NRG4: variants seen among roughly 807,000 people sequenced by gnomAD.
The protein encoded by NRG4 is neuregulin 4.
A neutral mutation model predicts 15.0 loss-of-function variants in NRG4; 10 were observed. The observed-to-expected ratio is 0.67, with a 90% CI of 0.41 to 1.13. The LOEUF (loss-of-function observed/expected upper bound fraction) is 1.13, where lower values mean the gene tolerates loss of function less well. NRG4 is among the 50% of genes most tolerant of loss of function. The pLI is 0.00. For synonymous variants in NRG4, 41 were observed against 50.1 expected (o/e 0.82, Z 0.77); for missense variants, 139 against 140.2 (o/e 0.99, Z 0.04).
chr15:75,983,625 TC>T (rs1165891648), intron 3 of NRG4, among the ~76,000 whole-genome samples: 2 of 151,938 alleles, frequency 1.3e-5, no homozygotes, highest in African/African-American at 4.8e-5. Context: ...AATAAAAAAC[TC>T]CTACAAATAG....
At chr15:76,058,748 A>G (rs2036217531) in intron 1 of NRG4, among the ~76,000 whole-genome samples, 1 of 152,248 alleles carries the variant, frequency 6.6e-6, no homozygotes, top group South Asian at 2.1e-4. Context: ...ATTTTAAGAT[A>G]AAAATCGCAA....
intron 4 of NRG4, among the ~76,000 whole-genome samples, chr15:75,959,661 A>T (rs2032420661): frequency 6.6e-6 from 1 of 151,152 alleles, no homozygotes; most frequent in African/African-American, 2.4e-5. Context: ...TGCCCTGCTA[A>T]TTTTTTTTAT....
rs554061493 is a variant in NRG4, at chr15:76,011,193, A to C, written c.10+28T>G. ...TCTATTGCTATGGACACATATTGAC[A>C]AAAACATATAAATATATAAGAAATT... On this transcript the variant is annotated intron_variant, in intron 2 of 5. Transcript: ENST00000394907. 5 of 1,397,072 alleles carry C rather than the reference A, an allele frequency of 3.6e-6. No individual in the cohort carries two copies. In the South Asian group the frequency reaches 5.5e-5, roughly 15 times the overall value. 86.5% of individuals were successfully genotyped at this position (1,397,072 alleles called of 1,614,324 possible).
At position 75,977,440 on chromosome 15, in the gene NRG4, CTGG is replaced by C. The variant is rs2033418409; in HGVS notation, c.105-15469_105-15467del. Among the ~76,000 whole-genome samples, 1 of 152,204 alleles carries C rather than the reference CTGG, an allele frequency of 6.6e-6. No individual in the cohort carries two copies. The highest frequency in any genetic ancestry group is 6.5e-5 in the Admixed American group (1 of 15,288). On this transcript the variant is annotated intron_variant, in intron 3 of 5. Transcript: ENST00000394907. This position sits in a 1 kb window ranked among gnomAD's most constrained non-coding sequence, Gnocchi z 4.9. ...AGTTTTGTGCTTGAAATCCAGGGCC[CTGG>C]TGGTGTAGGCACCCGAGGGAATCTC...
rs73449096 is a variant in NRG4 at position 76,040,065 on chromosome 15, A to G, written c.-104-4074T>C. The stretch of plus-strand genomic sequence containing the variant: ...CCGCCAAATAAAAAAAAAGAGAGAG[A>G]GAGAGAGAAGGCAAGCAGATTTAAC... On this transcript the variant is annotated intron_variant, in intron 4 of 8. Transcript: ENST00000563910. Among the ~76,000 whole-genome samples, 697 of 152,162 alleles carry G rather than the reference A, an allele frequency of 4.6e-3. 4 individuals are homozygous for G. The highest frequency in any genetic ancestry group is 0.016 in the African/African-American group (654 of 41,512).
At chr15:75,952,712 A>G (rs1370477045) in intron 5 of NRG4, among the ~76,000 whole-genome samples, 1 of 151,788 alleles carries the variant, frequency 6.6e-6, no homozygotes, top group African/African-American at 2.4e-5. Flanking sequence ...GTATGCCACC[A>G]CACTTGGTTT....
At chr15:76,035,010 T>A (rs138789451) in intron 5 of NRG4, among the ~76,000 whole-genome samples, 5 of 152,368 alleles carry the variant, frequency 3.3e-5, no homozygotes, top group African/African-American at 1.2e-4. Context: ...CAGCCTGCCA[T>A]TGAACGGCAG....
At chr15:76,031,903 G>C (rs2035482399) in intron 5 of NRG4, among the ~76,000 whole-genome samples, 1 of 152,068 alleles carries the variant, frequency 6.6e-6, no homozygotes, top group Non-Finnish European at 1.5e-5. Flanking sequence ...GAAGAATAAA[G>C]CTGTAATTAT....
chr15:76,039,873 C>A (rs749299838), intron 4 of NRG4, among the ~76,000 whole-genome samples: 1 of 152,084 alleles, frequency 6.6e-6, no homozygotes, highest in Non-Finnish European at 1.5e-5. Flanking sequence ...CATGGCGAAA[C>A]CCTGTCCCAA....
intron 5 of NRG4, among the ~76,000 whole-genome samples, chr15:75,946,586 C>T (rs1180108188): frequency 1.3e-5 from 2 of 152,138 alleles, no homozygotes; most frequent in African/African-American, 4.8e-5. Context: ...GTCTCGATCT[C>T]CTGACCTCGT....
At chr15:75,995,906 T>A (rs1012467011) in intron 3 of NRG4, among the ~76,000 whole-genome samples, 1 of 152,224 alleles carries the variant, frequency 6.6e-6, no homozygotes, top group East Asian at 1.9e-4. Context: ...GAAGACTTCA[T>A]GCATTACAGT....
At chr15:75,966,063 T>A (rs2032778248) in intron 3 of NRG4, among the ~76,000 whole-genome samples, 1 of 152,208 alleles carries the variant, frequency 6.6e-6, no homozygotes, top group African/African-American at 2.4e-5. Flanking sequence ...GGTGAGAAAT[T>A]CTGAAATTCA....
chr15:76,025,834 A>G (rs899211102), intron 5 of NRG4, among the ~76,000 whole-genome samples: 16 of 152,068 alleles, frequency 1.1e-4, no homozygotes, highest in African/African-American at 1.4e-4. Context: ...CCAAAATCGC[A>G]TCACTGCACT....
chr15:76,013,424 G>A (rs751498821), upstream of NRG4, among the ~76,000 whole-genome samples: 3 of 152,138 alleles, frequency 2.0e-5, no homozygotes, highest in Non-Finnish European at 2.9e-5. Context: ...AGGTATACAA[G>A]TGCCATGCTG....
chr15:76,012,102 C>T (rs1474622257), intron 1 of NRG4: 1 of 152,022 alleles, frequency 6.6e-6, no homozygotes, highest in African/African-American at 2.4e-5. Context: ...TCTCAATCTA[C>T]TAACACAGTT....
intron 1 of NRG4, among the ~76,000 whole-genome samples, chr15:76,011,733 C>T (rs2034816781): frequency 6.6e-6 from 1 of 152,128 alleles, no homozygotes; most frequent in African/African-American, 2.4e-5. Flanking sequence ...CCTATGCAAA[C>T]CTTTCTTCTA....
intron 4 of NRG4, among the ~76,000 whole-genome samples, chr15:76,042,849 A>G (rs147105453): frequency 0.015 from 2,281 of 152,198 alleles, 30 homozygotes; most frequent in Non-Finnish European, 0.022. Flanking sequence ...ATAAAAACAC[A>G]TTTAAAAAAA....
chr15:75,997,099 C>T (rs1326794980), intron 3 of NRG4, among the ~76,000 whole-genome samples: 1 of 151,850 alleles, frequency 6.6e-6, no homozygotes, highest in Admixed American at 6.6e-5. Context: ...TGATGTTATA[C>T]ATTTAATGAG....
In NRG4 at chr15:76,009,269, C is replaced by CT; in HGVS notation, c.34dup (p.Ser12LysfsTer24). Reference sequence around the variant, plus strand: ...CCCATTCAGGCAAAACGACTTGTGACTGGGACCACAGGGCTCTTCGTGATC... The same window carrying CT: ...CCCATTCAGGCAAAACGACTTGTGACTTGGGACCACAGGGCTCTTCGTGATC... On this transcript the variant is annotated frameshift_variant, in exon 3 of 6. Transcript: ENST00000394907. LOFTEE classifies it high-confidence loss of function. 6.3e-7 allele frequency: 1 copy of CT among 1,596,878 alleles called. No homozygotes were observed. The highest frequency in any genetic ancestry group is 1.1e-5 in the South Asian group (1 of 89,550).
Sources: allele counts gnomAD v4.1 joint callset (sites outside exome capture counted in the v4.1 genomes callset), GRCh38; gene constraint gnomAD v4.1.1; non-coding constraint Gnocchi (gnomAD v3.1); transcripts MANE v1.5; gene names NCBI Gene and HGNC (gene_info 2026-07-23, HGNC 2026-07-21).